The following AKAIN1 variants were observed in gnomAD, a reference collection of about 807,000 sequenced individuals.
AKAIN1 encodes A-kinase anchor protein inhibitor 1.
AKAIN1 carries 3 observed loss-of-function variants against 3.7 expected under a neutral mutation model. The ratio of observed to expected loss-of-function variants is 0.82; its 90% CI spans 0.37 to 2.12. The LOEUF (loss-of-function observed/expected upper bound fraction) is 2.12. Ranked by LOEUF, AKAIN1 falls within the 30% of genes most tolerant of loss-of-function variation. The probability of loss-of-function intolerance (pLI) is 0.06; values close to 1 mark genes in which losing one functional copy is unlikely to be tolerated. For synonymous variants in AKAIN1, 31 were observed against 30.8 expected, an observed-to-expected ratio of 1.01 and a Z score of -0.02; for missense variants, 82 against 82.7, an observed-to-expected ratio of 0.99 and a Z score of 0.03.
At chr18:5,154,503 C>T (rs2071095963) in intron 1 of AKAIN1, among the ~76,000 whole-genome samples, 1 of 151,910 alleles carries the variant, frequency 6.6e-6, no homozygotes, top group South Asian at 2.1e-4. Context: ...TTTCTTTTTT[C>T]TTGCAGTCAG....
intron 1 of AKAIN1, among the ~76,000 whole-genome samples, chr18:5,189,246 A>G (rs2071304963): frequency 6.6e-6 from 1 of 152,162 alleles, no homozygotes; most frequent in Non-Finnish European, 1.5e-5. Flanking sequence ...AACCTAGAAG[A>G]TCTTCGAAAT....
At chr18:5,195,420 A>T (rs1598319223) in intron 1 of AKAIN1, among the ~76,000 whole-genome samples, 1 of 152,156 alleles carries the variant, frequency 6.6e-6, no homozygotes, top group Non-Finnish European at 1.5e-5. Context: ...CAACAACCCT[A>T]ACTCTTGTAC....
rs1422728686 is a variant in AKAIN1, at chr18:5,143,852, T to C, written c.*1710A>G. ...AACAAAGGCTGGTCATATCCAGATA[T>C]CTGAGTAGACATAGTACCAGATCAC... On this transcript the variant is annotated 3_prime_UTR_variant, in exon 2 of 2. Transcript: ENST00000434239. Among the ~76,000 whole-genome samples, 1 of 152,236 alleles carries C rather than the reference T, an allele frequency of 6.6e-6. No individual in the cohort carries two copies. Among genetic ancestry groups the C allele is most frequent in the Non-Finnish European group, 1.5e-5 (1 of 68,040 alleles).
At chr18:5,180,503 A>T (rs184850961) in intron 1 of AKAIN1, among the ~76,000 whole-genome samples, 1 of 152,114 alleles carries the variant, frequency 6.6e-6, no homozygotes, top group Non-Finnish European at 1.5e-5. Context: ...TCCTATAGGC[A>T]CAACAAAGAA....
At chr18:5,169,683 GA>G (rs1167412833) in intron 1 of AKAIN1, among the ~76,000 whole-genome samples, 1 of 152,074 alleles carries the variant, frequency 6.6e-6, no homozygotes, top group Non-Finnish European at 1.5e-5. Context: ...AGTTTATCTG[GA>G]TTTTTAAAAA....
At chr18:5,191,856 C>T (rs896875256) in intron 1 of AKAIN1, among the ~76,000 whole-genome samples, 16 of 152,054 alleles carry the variant, frequency 1.1e-4, no homozygotes, top group African/African-American at 2.4e-4. Flanking sequence ...CTAGGACTCA[C>T]GTCTAAATAC....
intron 1 of AKAIN1, among the ~76,000 whole-genome samples, chr18:5,151,702 A>G (rs887748333): frequency 7.2e-5 from 11 of 152,328 alleles, no homozygotes; most frequent in Non-Finnish European, 1.6e-4. Context: ...GGCCAGTCAC[A>G]TTATGTCATA....
intron 1 of AKAIN1, among the ~76,000 whole-genome samples, chr18:5,170,231 T>G (rs923767593): frequency 3.9e-5 from 6 of 152,278 alleles, no homozygotes; most frequent in African/African-American, 1.4e-4. Context: ...AGACTCAGCC[T>G]TTTAGACTCA....
At chr18:5,154,092 T>C (rs796532812) in intron 1 of AKAIN1, among the ~76,000 whole-genome samples, 1 of 152,092 alleles carries the variant, frequency 6.6e-6, no homozygotes. Flanking sequence ...AATAAATTTA[T>C]AAAAAGTAAA....
chr18:5,194,547 A>G (rs1370550254), intron 1 of AKAIN1, among the ~76,000 whole-genome samples: 1 of 152,170 alleles, frequency 6.6e-6, no homozygotes, highest in Non-Finnish European at 1.5e-5. Context: ...TTCTACAAAT[A>G]TCTGTCACTC....
intron 1 of AKAIN1, among the ~76,000 whole-genome samples, chr18:5,176,012 T>C (rs2071224122): frequency 6.6e-6 from 1 of 152,108 alleles, no homozygotes; most frequent in African/African-American, 2.4e-5. Context: ...CTGTCAGTAG[T>C]ACTCCTTAGT....
At position 5,190,015 on chromosome 18, in the gene AKAIN1, A is replaced by G. The variant is rs140000583; in HGVS notation, c.16+7023T>C. ...TGCGGACAAGAAATTTATTTGGCTCACGATTCTGGATGCCAGGAAGTCCAA... is the reference window on the plus strand; with the variant it reads ...TGCGGACAAGAAATTTATTTGGCTCGCGATTCTGGATGCCAGGAAGTCCAA... On this transcript the variant is annotated intron_variant, in intron 1 of 1. Transcript: ENST00000434239. Among the ~76,000 whole-genome samples, 480 of 152,292 alleles carry G rather than the reference A, an allele frequency of 3.2e-3. 3 individuals are homozygous for G. The highest frequency in any genetic ancestry group is 0.011 in the African/African-American group (455 of 41,562).
At chr18:5,184,718 C>T (rs539699250) in intron 1 of AKAIN1, among the ~76,000 whole-genome samples, 7 of 152,222 alleles carry the variant, frequency 4.6e-5, no homozygotes, top group Non-Finnish European at 1.0e-4. Flanking sequence ...GAAAAACATT[C>T]CATGCTCAAG....
At chr18:5,156,028 A>T (rs924248918) in intron 1 of AKAIN1, among the ~76,000 whole-genome samples, 1 of 152,156 alleles carries the variant, frequency 6.6e-6, no homozygotes, top group Non-Finnish European at 1.5e-5. Context: ...CCATTTATAG[A>T]TTCATCCTCC....
rs1312625283 is a variant in AKAIN1 at position 5,143,239 on chromosome 18, A to C, written c.*2323T>G. Among the ~76,000 whole-genome samples, 1 of 152,174 alleles carries C rather than the reference A, an allele frequency of 6.6e-6. No individual in the cohort carries two copies. The highest frequency in any genetic ancestry group is 6.5e-5 in the Admixed American group (1 of 15,272). On this transcript the variant is annotated 3_prime_UTR_variant, in exon 2 of 2. Coordinates refer to ENST00000434239, the MANE Select transcript of AKAIN1 (RefSeq NM_001145194.2). ...TTCTTCATACTGAAAGATCTGTAAA[A>C]GTTTATAGGTCTTTAACTCGTTTGT...
At chr18:5,194,948 G>T (rs1290016307) in intron 1 of AKAIN1, among the ~76,000 whole-genome samples, 1 of 152,170 alleles carries the variant, frequency 6.6e-6, no homozygotes, top group Non-Finnish European at 1.5e-5. Context: ...AAATGAGGTT[G>T]CAGTGCTGAA....
At chr18:5,186,250 T>TA (rs1453471988) in intron 1 of AKAIN1, among the ~76,000 whole-genome samples, 2 of 151,932 alleles carry the variant, frequency 1.3e-5, no homozygotes, top group African/African-American at 4.8e-5. Context: ...AGGGAGAGTA[T>TA]AAAAAACTGC....
At chr18:5,169,498 C>T (rs1188470714) in intron 1 of AKAIN1, among the ~76,000 whole-genome samples, 1 of 151,654 alleles carries the variant, frequency 6.6e-6, no homozygotes, top group Non-Finnish European at 1.5e-5. Flanking sequence ...AGGCCCTCTT[C>T]TCCAGTGAGT....
intron 1 of AKAIN1, among the ~76,000 whole-genome samples, chr18:5,150,421 C>G (rs1006674525): frequency 6.6e-6 from 1 of 152,198 alleles, no homozygotes; most frequent in Non-Finnish European, 1.5e-5. Flanking sequence ...TGCAAACATC[C>G]TCTAGCCTAA....
Sources: allele counts gnomAD v4.1 joint callset (sites outside exome capture counted in the v4.1 genomes callset), GRCh38; gene constraint gnomAD v4.1.1; transcripts MANE v1.5; gene names NCBI Gene and HGNC (gene_info 2026-07-23, HGNC 2026-07-21).